Variants in KCNN2 observed in about 807,000 individuals in gnomAD.
KCNN2 encodes the protein potassium calcium-activated channel subfamily N member 2, also known as small conductance calcium-activated potassium channel protein 2.
KCNN2 carries 24 observed loss-of-function variants against 55.5 expected under a neutral mutation model. The ratio of observed to expected loss-of-function variants is 0.43; its 90% CI spans 0.31 to 0.61. The LOEUF (loss-of-function observed/expected upper bound fraction) is 0.61, where lower values mean the gene tolerates loss of function less well. Ranked by LOEUF, KCNN2 falls within the 20% of genes least tolerant of loss-of-function variation. The pLI is 0.08. For synonymous variants in KCNN2, 431 were observed against 336.1 expected (o/e 1.28, Z -3.09); for missense variants, 754 against 853.6 (o/e 0.88, Z 1.45).
intron 1 of KCNN2, among the ~76,000 whole-genome samples, chr5:114,107,128 C>T (rs1264655677): frequency 6.6e-6 from 1 of 152,028 alleles, no homozygotes; most frequent in East Asian, 1.9e-4. Flanking sequence ...TCCAATTAAT[C>T]ACCACCATTC....
At chr5:114,461,996 C>CCTTT (rs1203785445) in intron 3 of KCNN2, among the ~76,000 whole-genome samples, 7 of 152,124 alleles carry the variant, frequency 4.6e-5, no homozygotes, top group African/African-American at 1.7e-4. Flanking sequence ...GAGTGATGGT[C>CCTTT]CTTTCCAATG....
At chr5:114,229,298 T>C (rs1187678872) in intron 2 of KCNN2, among the ~76,000 whole-genome samples, 1 of 151,834 alleles carries the variant, frequency 6.6e-6, no homozygotes. Flanking sequence ...GCTTTTTTTT[T>C]TTAACATTTT....
In KCNN2 at chr5:114,297,720, G is replaced by T. The variant is rs567215263; in HGVS notation, c.-184-63225G>T. Reference sequence around the variant, plus strand: ...AACAATCTAAGTATTTCATAATAGAGGTCTGGTTATATAAAGGATATAATA... The same window carrying T: ...AACAATCTAAGTATTTCATAATAGATGTCTGGTTATATAAAGGATATAATA... On this transcript the variant is annotated intron_variant, in intron 2 of 10. Coordinates refer to the KCNN2 transcript ENST00000512097. Among the ~76,000 whole-genome samples the T allele has an allele frequency of 6.6e-5, 10 of 152,072 alleles. No individual in the cohort carries two copies. In the East Asian group the frequency reaches 1.9e-3, roughly 29 times the overall value.
At chr5:114,076,378 G>A (rs2974482) in intron 1 of KCNN2, among the ~76,000 whole-genome samples, 117,290 of 151,858 alleles carry the variant, frequency 0.77, 45,374 homozygotes, top group African/African-American at 0.84. Context: ...CCCTAAGGAT[G>A]GAATGAGAGA....
At chr5:114,162,870 G>A (rs1437008490) in intron 1 of KCNN2, among the ~76,000 whole-genome samples, 2 of 152,106 alleles carry the variant, frequency 1.3e-5, no homozygotes, top group African/African-American at 4.8e-5. Context: ...ATTAGGGTGG[G>A]AGCGACCTGA....
At chr5:114,152,047 T>A (rs1291138408) in intron 1 of KCNN2, among the ~76,000 whole-genome samples, 3 of 152,338 alleles carry the variant, frequency 2.0e-5, no homozygotes, top group Admixed American at 6.5e-5. Context: ...TATTTCTTCT[T>A]AAATATTAAA....
chr5:114,155,293 G>A (rs1752607642), intron 1 of KCNN2, among the ~76,000 whole-genome samples: 1 of 152,192 alleles, frequency 6.6e-6, no homozygotes, highest in Admixed American at 6.5e-5. Flanking sequence ...TGTGATTGAT[G>A]GGCATTTAGG....
At chr5:114,448,631 G>C (rs1375099090) in intron 3 of KCNN2, among the ~76,000 whole-genome samples, 1 of 152,152 alleles carries the variant, frequency 6.6e-6, no homozygotes, top group Non-Finnish European at 1.5e-5. Context: ...AACTCTCTCA[G>C]CTCGCTGGGT....
In KCNN2 at chr5:114,166,320, A is replaced by C. The variant is rs1340673224; in HGVS notation, c.-270-55160A>C. ...ATAACAACCAAGAACAGCTGGACAA[A>C]GTTACACAGTAGAGCAAATGTTTCT... is the stretch of plus-strand genomic sequence containing the variant. On this transcript the variant is annotated intron_variant, in intron 1 of 10. Transcript: ENST00000512097. 1.1e-4 allele frequency among the ~76,000 whole-genome samples: 17 copies of C among 152,278 alleles called. No individual in the cohort carries two copies. The East Asian group carries it at 1.5e-3, about 14-fold the overall frequency.
chr5:114,175,821 A>T (rs764399588), intron 1 of KCNN2, among the ~76,000 whole-genome samples: 1 of 152,166 alleles, frequency 6.6e-6, no homozygotes, highest in African/African-American at 2.4e-5. Context: ...ATAATTTGCC[A>T]TTTTGCCAGA....
At chr5:114,063,864 G>A (rs1750383359) in intron 1 of KCNN2, among the ~76,000 whole-genome samples, 1 of 152,222 alleles carries the variant, frequency 6.6e-6, no homozygotes, top group African/African-American at 2.4e-5. Context: ...TGATTGGTGT[G>A]TAGTCTAACT....
chr5:114,439,508 T>C (rs1296743450), intron 3 of KCNN2, among the ~76,000 whole-genome samples: 1 of 152,136 alleles, frequency 6.6e-6, no homozygotes, highest in Non-Finnish European at 1.5e-5. Flanking sequence ...TCTTGACACC[T>C]AGGAGCCATA....
chr5:114,286,002 C>T (rs1035256378), intron 2 of KCNN2, among the ~76,000 whole-genome samples: 3 of 151,366 alleles, frequency 2.0e-5, no homozygotes, highest in Non-Finnish European at 2.9e-5. Context: ...TCACAGCAAC[C>T]TCCTCGTCCT....
intron 2 of KCNN2, among the ~76,000 whole-genome samples, chr5:114,312,434 CATATATATATATATATATAT>C (rs59964515): frequency 2.9e-3 from 69 of 23,420 alleles, no homozygotes; most frequent in African/African-American, 9.2e-3. Context: ...CACACACACA[CATATATATATATATATATAT>C]ATATATATAT....
chr5:114,230,257 T>C (rs1240841818), intron 2 of KCNN2, among the ~76,000 whole-genome samples: 1 of 147,938 alleles, frequency 6.8e-6, no homozygotes, highest in South Asian at 2.1e-4. Flanking sequence ...ACCCAAGGGG[T>C]AGTGATATTC....
intron 2 of KCNN2, among the ~76,000 whole-genome samples, chr5:114,237,709 T>G (rs1268851858): frequency 6.6e-6 from 1 of 152,220 alleles, no homozygotes; most frequent in Non-Finnish European, 1.5e-5. Context: ...CCCTAATGTT[T>G]TATGATTATG....
intron 2 of KCNN2, among the ~76,000 whole-genome samples, chr5:114,263,516 TGGATC>T (rs1266775667): frequency 1.2e-4 from 18 of 151,758 alleles, no homozygotes; most frequent in Admixed American, 4.6e-4. Flanking sequence ...TGCCACCCTA[TGGATC>T]GGATTGCCCC....
chr5:114,287,899 G>A (rs746780068), intron 2 of KCNN2, among the ~76,000 whole-genome samples: 2 of 152,262 alleles, frequency 1.3e-5, no homozygotes, highest in Admixed American at 6.5e-5. Context: ...CTCATTTGAT[G>A]TAGATGATTA....
chr5:114,301,141 AT>A (rs760203565), intron 2 of KCNN2, among the ~76,000 whole-genome samples: 42 of 152,206 alleles, frequency 2.8e-4, no homozygotes, highest in Non-Finnish European at 3.8e-4. Flanking sequence ...AACGTCTCCA[AT>A]AGCACTGTTT....
Sources: allele counts gnomAD v4.1 joint callset (sites outside exome capture counted in the v4.1 genomes callset), GRCh38; gene constraint gnomAD v4.1.1; transcripts MANE v1.5; gene names NCBI Gene and HGNC (gene_info 2026-07-23, HGNC 2026-07-21).